The following ROR2 variants were observed in gnomAD, a reference collection of about 807,000 sequenced individuals.
The protein encoded by ROR2 is tyrosine-protein kinase transmembrane receptor ROR2.
Under a neutral mutation model 74.9 loss-of-function variants are expected in ROR2, and 33 were observed. The ratio of observed to expected loss-of-function variants is 0.44; its 90% confidence interval spans 0.33 to 0.59. The LOEUF (loss-of-function observed/expected upper bound fraction) is 0.59. Ranked by LOEUF, ROR2 falls within the 20% of genes least tolerant of loss-of-function variation. The pLI is 0.02. For missense variants in ROR2, 1,216 were observed against 1,313.8 expected, an observed-to-expected ratio of 0.93 and a Z score of 1.15; for synonymous variants, 586 against 558.7, an observed-to-expected ratio of 1.05 and a Z score of -0.69.
chr9:91,944,617 A>T (rs1007022960), intron 1 of ROR2, among the ~76,000 whole-genome samples: 1 of 152,256 alleles, frequency 6.6e-6, no homozygotes, highest in African/African-American at 2.4e-5. Context: ...CAATTACAAC[A>T]GCTCGAAAAG....
intron 1 of ROR2, among the ~76,000 whole-genome samples, chr9:91,849,381 T>A (rs992195845): frequency 2.0e-5 from 3 of 152,126 alleles, no homozygotes; most frequent in African/African-American, 7.2e-5. Context: ...GAAAACGCAA[T>A]CTCTTCACTT....
chr9:91,946,328 C>T (rs1271489456), intron 1 of ROR2, among the ~76,000 whole-genome samples: 3 of 152,220 alleles, frequency 2.0e-5, no homozygotes, highest in Non-Finnish European at 2.9e-5. Flanking sequence ...TATGGAGTCA[C>T]AACCAATGGG....
At chr9:91,897,855 G>A (rs982267739) in intron 1 of ROR2, among the ~76,000 whole-genome samples, 6 of 152,216 alleles carry the variant, frequency 3.9e-5, no homozygotes, top group Admixed American at 2.0e-4. Flanking sequence ...GCTTCTGAGG[G>A]AGTCCCTGTG....
intron 1 of ROR2, among the ~76,000 whole-genome samples, chr9:91,833,287 A>G (rs1828521035): frequency 6.6e-6 from 1 of 152,134 alleles, no homozygotes; most frequent in African/African-American, 2.4e-5. Flanking sequence ...GCTGGGCTCC[A>G]GCGTCCTGCT....
chr9:91,805,524 C>A (rs117942540), intron 1 of ROR2, among the ~76,000 whole-genome samples: 2,633 of 152,258 alleles, frequency 0.017, 68 homozygotes, highest in East Asian at 0.14. Flanking sequence ...ACAGGCTGCT[C>A]CCCCTAGCCG....
At chr9:91,760,574 C>A (rs1825884139) in intron 2 of ROR2, among the ~76,000 whole-genome samples, 1 of 150,298 alleles carries the variant, frequency 6.7e-6, no homozygotes. Flanking sequence ...GCGGAGCTTG[C>A]AGTGAGCCGA....
At chr9:91,812,287 C>T (rs1037410259) in intron 1 of ROR2, among the ~76,000 whole-genome samples, 1 of 152,062 alleles carries the variant, frequency 6.6e-6, no homozygotes, top group Admixed American at 6.6e-5. Flanking sequence ...AGTAGAGATG[C>T]AGAAGAAAAC....
At chr9:91,772,528 A>G (rs1377545520) in intron 2 of ROR2, among the ~76,000 whole-genome samples, 1 of 151,746 alleles carries the variant, frequency 6.6e-6, no homozygotes, top group Non-Finnish European at 1.5e-5. Flanking sequence ...ATACTATACT[A>G]CTCTATCCTG....
At chr9:91,850,438 G>A in intron 1 of ROR2, among the ~76,000 whole-genome samples, 1 of 152,122 alleles carries the variant, frequency 6.6e-6, no homozygotes. Flanking sequence ...TGGGCCCAAA[G>A]TACCCACAAA....
intron 4 of ROR2, among the ~76,000 whole-genome samples, chr9:91,755,346 A>C (rs1311779840): frequency 6.6e-6 from 1 of 152,244 alleles, no homozygotes; most frequent in East Asian, 1.9e-4. Context: ...GCTATTGTTC[A>C]GAACATCTCA....
Position 91,874,920 on chromosome 9 carries a change from C to T in ROR2, c.97+74947G>A, listed in dbSNP as rs535253851. On this transcript the variant is annotated intron_variant, in intron 1 of 8. Coordinates refer to ENST00000375708, the MANE Select transcript of ROR2 (RefSeq NM_004560.4). ...TGCACTCCAGCCTGGGCAACAAGAGCGAAACTCCGTCTCAAAAAAAAAAAA... is the reference window on the plus strand; with the variant it reads ...TGCACTCCAGCCTGGGCAACAAGAGTGAAACTCCGTCTCAAAAAAAAAAAA... Among the ~76,000 whole-genome samples the T allele has an allele frequency of 1.0e-4, 15 of 148,770 alleles. No homozygotes were observed. The East Asian group carries it at 2.2e-3, about 21-fold the overall frequency.
Position 91,723,449 on chromosome 9 carries a change from G to A in ROR2, c.*213C>T. On this transcript the variant is annotated 3_prime_UTR_variant, in exon 9 of 9. Transcript: ENST00000375708. The stretch of plus-strand genomic sequence containing the variant: ...TGCTCCCCAGGACGCCGTGCTGCCA[G>A]ACCCCCTGCCTGGCTTGGGTGCTCC... The A allele has an allele frequency of 1.5e-6, 1 of 678,280 alleles. No homozygotes were observed. Among genetic ancestry groups the A allele is most frequent in the Admixed American group, 2.9e-5 (1 of 34,536 alleles). The allele number at this position is 678,280 out of a possible 1,614,324, so 42.0% of individuals were successfully genotyped here. A position where few individuals can be genotyped will look rare whatever the true frequency, so the allele number is the denominator to read the frequency against.
chr9:91,934,108 C>T (rs936668316), intron 1 of ROR2, among the ~76,000 whole-genome samples: 1 of 151,844 alleles, frequency 6.6e-6, no homozygotes, highest in Non-Finnish European at 1.5e-5. Context: ...TTTATGGATG[C>T]GGGGGGGCGA....
intron 1 of ROR2, among the ~76,000 whole-genome samples, chr9:91,925,907 C>T (rs556885937): frequency 6.6e-6 from 1 of 152,308 alleles, no homozygotes; most frequent in African/African-American, 2.4e-5. Flanking sequence ...GGCTTCCACG[C>T]ACTCTGCCTA....
At chr9:91,758,725 G>A (rs1384220618) in intron 2 of ROR2, among the ~76,000 whole-genome samples, 1 of 152,190 alleles carries the variant, frequency 6.6e-6, no homozygotes, top group Non-Finnish European at 1.5e-5. Context: ...AGGGGGCAAC[G>A]CAAGGCTACA....
chr9:91,950,022 G>A lies in ROR2; in HGVS notation c.-59C>T, dbSNP rs982866227. On this transcript the variant is annotated 5_prime_UTR_variant, in exon 1 of 9. Transcript: ENST00000375708. The stretch of plus-strand genomic sequence containing the variant: ...GCTTCGGGCCGGGGCGCGGGGTCGG[G>A]CGCCACCACCCCTTTCTACGATGCG... 13 of 867,808 alleles carry A rather than the reference G, an allele frequency of 1.5e-5. No homozygotes were observed. The African/African-American group carries it at 1.8e-4, about 12-fold the overall frequency. The allele number at this position is 867,808 out of a possible 1,614,324, so 53.8% of individuals were successfully genotyped here.
At chr9:91,859,560 C>T (rs1427825444) in intron 1 of ROR2, among the ~76,000 whole-genome samples, 4 of 152,106 alleles carry the variant, frequency 2.6e-5, no homozygotes, top group African/African-American at 9.7e-5. Context: ...GGGTGGCTCA[C>T]GCCTGTAATC....
chr9:91,786,133 T>A (rs887209251), intron 1 of ROR2, among the ~76,000 whole-genome samples: 1 of 100,600 alleles, frequency 9.9e-6, no homozygotes, highest in Non-Finnish European at 1.9e-5. Context: ...CTAGCCTGGG[T>A]AACATACGGA....
intron 1 of ROR2, among the ~76,000 whole-genome samples, chr9:91,938,132 C>A (rs1182631867): frequency 1.3e-5 from 2 of 152,236 alleles, no homozygotes; most frequent in Non-Finnish European, 2.9e-5. Flanking sequence ...CTCCTCCAGG[C>A]TGACCCGAGT....
Sources: gnomAD v4.1 joint callset for allele counts (sites outside exome capture counted in the v4.1 genomes callset) on GRCh38, gnomAD v4.1.1 for gene constraint, MANE v1.5 for transcripts, NCBI Gene and HGNC (gene_info 2026-07-23, HGNC 2026-07-21) for gene names.